The following KIAA1217 variants were observed in gnomAD, a reference collection of about 807,000 sequenced individuals.
KIAA1217 encodes the protein sickle tail protein homolog.
A neutral mutation model predicts 163.9 loss-of-function variants in KIAA1217; 88 were observed. The ratio of observed to expected loss-of-function variants is 0.54; its 90% CI spans 0.45 to 0.64. The LOEUF is 0.64. Ranked by LOEUF, KIAA1217 falls within the 30% of genes least tolerant of loss-of-function variation. The pLI is 0.00. For missense variants in KIAA1217, 2,372 were observed against 2,475.0 expected, an observed-to-expected ratio of 0.96 and a Z score of 0.88; for synonymous variants, 903 against 923.1, an observed-to-expected ratio of 0.98 and a Z score of 0.39.
At chr10:23,697,079 C>A (rs1260992418) in intron 1 of KIAA1217, among the ~76,000 whole-genome samples, 3 of 152,262 alleles carry the variant, frequency 2.0e-5, no homozygotes, top group East Asian at 1.9e-4. Context: ...ATTACCAGCA[C>A]CCATCTCCGT....
chr10:23,764,801 G>A (rs12413128), intron 1 of KIAA1217, among the ~76,000 whole-genome samples: 4,727 of 152,170 alleles, frequency 0.031, 111 homozygotes, highest in Admixed American at 0.076. Context: ...TTGAGGGGTG[G>A]GGCCTGAGGG....
At chr10:24,430,429 C>T (rs945660173) in intron 3 of KIAA1217, among the ~76,000 whole-genome samples, 3 of 152,176 alleles carry the variant, frequency 2.0e-5, no homozygotes, top group East Asian at 1.9e-4. Flanking sequence ...CACCAAGGAC[C>T]GGTTTTGTGG....
chr10:24,053,990 A>AG (rs1564642435), intron 2 of KIAA1217, among the ~76,000 whole-genome samples: 1 of 152,136 alleles, frequency 6.6e-6, no homozygotes, highest in Non-Finnish European at 1.5e-5. Context: ...AATAATTTCA[A>AG]GGGAAAAAAA....
chr10:24,501,501 G>A lies in KIAA1217; in HGVS notation c.1957G>A (p.Val653Met), dbSNP rs758247332. ...HMSLLEMRRS[V>M]AELRLQLQQM... ...GAGCCTGCTTGAGATGAGGCGGAGC[G>A]TGGCGGAACTCAGGCTCCAGCTCCA... Residue 653 changes from valine to methionine, a missense_variant, in exon 9 of 21, where the codon GTG becomes ATG. Coordinates refer to ENST00000376454, the MANE Select transcript of KIAA1217 (RefSeq NM_019590.5). 9.9e-6 allele frequency: 16 copies of A among 1,613,714 alleles called. No homozygotes were observed. Among genetic ancestry groups the A allele is most frequent in the East Asian group, 2.2e-5 (1 of 44,854 alleles).
chr10:23,729,526 A>C (rs1410720707), intron 1 of KIAA1217, among the ~76,000 whole-genome samples: 1 of 152,090 alleles, frequency 6.6e-6, no homozygotes, highest in East Asian at 1.9e-4. Context: ...TTTTTGTTTT[A>C]ATTTGCATTT....
chr10:23,723,603 G>A (rs1431954809), intron 1 of KIAA1217, among the ~76,000 whole-genome samples: 5 of 152,184 alleles, frequency 3.3e-5, no homozygotes, highest in South Asian at 2.1e-4. Context: ...AGACTGGTTC[G>A]TGAGTCATTT....
chr10:24,500,508 A>G (rs542769731), intron 8 of KIAA1217, among the ~76,000 whole-genome samples: 5 of 152,072 alleles, frequency 3.3e-5, no homozygotes, highest in South Asian at 4.2e-4. Flanking sequence ...CCTCCTGAAG[A>G]ATTTTTGCAT....
At chr10:24,239,585 T>C (rs2072776414) in intron 2 of KIAA1217, among the ~76,000 whole-genome samples, 1 of 150,978 alleles carries the variant, frequency 6.6e-6, no homozygotes, top group South Asian at 2.1e-4. Flanking sequence ...TTGTGCCCGG[T>C]GAATACTGCT....
chr10:24,274,060 A>G (rs532448272), intron 2 of KIAA1217, among the ~76,000 whole-genome samples: 3 of 152,338 alleles, frequency 2.0e-5, no homozygotes, highest in African/African-American at 7.2e-5. Context: ...TAATAAGGCA[A>G]TGATTTACAT....
chr10:24,188,130 G>C (rs1339013699), intron 2 of KIAA1217, among the ~76,000 whole-genome samples: 1 of 152,172 alleles, frequency 6.6e-6, no homozygotes, highest in Admixed American at 6.5e-5. Context: ...CTGGGAGGCA[G>C]AGTTTGCAGT....
intron 6 of KIAA1217, among the ~76,000 whole-genome samples, chr10:24,476,825 G>C (rs1161159332): frequency 1.3e-5 from 2 of 151,710 alleles, no homozygotes; most frequent in African/African-American, 4.8e-5. Context: ...CAGACACACA[G>C]AGACACACAC....
chr10:24,503,061 T>C (rs1438348498), intron 9 of KIAA1217, among the ~76,000 whole-genome samples: 1 of 152,188 alleles, frequency 6.6e-6, no homozygotes, highest in Admixed American at 6.5e-5. Context: ...TTTCCTCTAA[T>C]AGGAAAAAGG....
At position 24,543,515 on chromosome 10, in the gene KIAA1217, T is replaced by A; in HGVS notation, c.4245T>A (p.Asn1415Lys). The A allele has an allele frequency of 6.2e-7, 1 of 1,611,272 alleles. No homozygotes were observed. The highest frequency in any genetic ancestry group is 8.5e-7 in the Non-Finnish European group (1 of 1,177,470). ...AGGGAGAAGACATACAGACGGTTAA[T>A]ATCGATGCCAGAAAAGAGATGACCC... ...SQKGEDIQTV[N>K]IDARKEMTPR... Residue 1415 changes from asparagine (N) to lysine (K), a missense_variant, in exon 19 of 21, where the codon AAT becomes AAA. Physicochemically the swap from Asn to Lys is moderately conservative, Grantham distance 94 (BLOSUM62 0). Transcript: ENST00000376454.
At chr10:24,228,497 TACAC>T (rs1268969038) in intron 2 of KIAA1217, among the ~76,000 whole-genome samples, 2 of 152,164 alleles carry the variant, frequency 1.3e-5, no homozygotes, top group Admixed American at 6.5e-5. Context: ...TTTTATTTCT[TACAC>T]ACACAAATCT....
intron 2 of KIAA1217, among the ~76,000 whole-genome samples, chr10:24,340,519 T>C (rs1253932492): frequency 1.3e-5 from 2 of 152,170 alleles, no homozygotes; most frequent in East Asian, 3.8e-4. Context: ...TACCCAGTCT[T>C]GGTATGTCTT....
intron 2 of KIAA1217, among the ~76,000 whole-genome samples, chr10:24,064,572 T>C (rs1217028077): frequency 2.6e-5 from 4 of 152,236 alleles, no homozygotes; most frequent in Non-Finnish European, 5.9e-5. Flanking sequence ...TTTGCATCAA[T>C]GTTCATCAAG....
At chr10:24,054,642 C>T (rs752795070) in intron 2 of KIAA1217, among the ~76,000 whole-genome samples, 4 of 152,140 alleles carry the variant, frequency 2.6e-5, no homozygotes, top group African/African-American at 4.8e-5. Flanking sequence ...TACTCAATTA[C>T]GAGGATATGT....
intron 1 of KIAA1217, among the ~76,000 whole-genome samples, chr10:23,819,955 A>C (rs947139627): frequency 6.6e-6 from 1 of 152,234 alleles, no homozygotes; most frequent in South Asian, 2.1e-4. Flanking sequence ...CTAAAGATCT[A>C]TAAATGTATG....
chr10:24,449,780 T>G, intron 5 of KIAA1217: 1 of 971,670 alleles, frequency 1.0e-6, no homozygotes, highest in Non-Finnish European at 1.2e-6. Flanking sequence ...AACTGTGCCT[T>G]TATGATAGGA....
Sources: allele counts gnomAD v4.1 joint callset (sites outside exome capture counted in the v4.1 genomes callset), GRCh38; gene constraint gnomAD v4.1.1; transcripts MANE v1.5; gene names NCBI Gene and HGNC (gene_info 2026-07-23, HGNC 2026-07-21).